Variants in PRRC2C observed in about 807,000 individuals in gnomAD.
PRRC2C encodes proline rich coiled-coil 2C, also known as protein PRRC2C.
PRRC2C carries 72 observed loss-of-function variants against 317.2 expected under a neutral mutation model. The observed-to-expected ratio is 0.23, with a 90% CI of 0.19 to 0.28. The LOEUF is 0.28. PRRC2C is among the 10% of genes least tolerant of loss of function. The probability of loss-of-function intolerance (pLI) is 1.00; values close to 1 mark genes in which losing one functional copy is unlikely to be tolerated. For missense variants in PRRC2C, 3,074 were observed against 3,459.7 expected (o/e 0.89, Z 2.80); for synonymous variants, 1,296 against 1,205.9 (o/e 1.07, Z -1.55).
Position 171,542,160 on chromosome 1 carries a change from C to T in PRRC2C, c.4694C>T (p.Ser1565Leu), listed in dbSNP as rs1678060230. ...CGTGGCAACAATGGTCCACCCAAAT[C>T]AGGAAGGAATTTCTCAGGTCCTAGA... ...NRRGNNGPPK[S>L]GRNFSGPRNE... is the part of the protein sequence containing the mutation. The change falls in exon 16 of 35, where the codon TCA becomes TTA. Residue 1565 changes from serine to leucine, a missense_variant. By Grantham distance (145) the Ser-to-Leu change is moderately radical. Around this residue, in one of 11 missense-constraint regions of PRRC2C, gnomAD observed 178 missense variants for 163.0 expected, o/e 1.09. Coordinates refer to ENST00000647382, the MANE Select transcript of PRRC2C (RefSeq NM_001387844.1). 1 of 1,606,090 alleles carries T rather than the reference C, an allele frequency of 6.2e-7. No individual in the cohort carries two copies. Among genetic ancestry groups the T allele is most frequent in the Non-Finnish European group, 8.5e-7 (1 of 1,177,124 alleles).
chr1:171,532,252 T>C, intron 11 of PRRC2C, 91 bp from the exon 12 acceptor site: 2 of 1,348,850 alleles, frequency 1.5e-6, no homozygotes, highest in Middle Eastern at 1.9e-4. Flanking sequence ...ATTTCTGATA[T>C]TTTTGTGGGG....
intron 11 of PRRC2C, among the ~76,000 whole-genome samples, chr1:171,529,361 A>G (rs1384107855): frequency 6.6e-6 from 1 of 152,204 alleles, no homozygotes; most frequent in East Asian, 1.9e-4. Flanking sequence ...TTGGATCTCT[A>G]GTAAACAGCT....
chr1:171,531,131 T>A (rs1470090597), intron 11 of PRRC2C, among the ~76,000 whole-genome samples: 1 of 152,176 alleles, frequency 6.6e-6, no homozygotes, highest in Non-Finnish European at 1.5e-5. Context: ...AATATAATTT[T>A]ATACATGTAT....
At chr1:171,528,866 C>T (rs1211146804) in intron 11 of PRRC2C, among the ~76,000 whole-genome samples, 2 of 151,972 alleles carry the variant, frequency 1.3e-5, no homozygotes, top group African/African-American at 2.4e-5. Context: ...GGCTGGAGTG[C>T]AGTGGTGTAA....
At chr1:171,519,690 A>G (rs1218756330) in intron 6 of PRRC2C, among the ~76,000 whole-genome samples, 1 of 152,206 alleles carries the variant, frequency 6.6e-6, no homozygotes, top group Non-Finnish European at 1.5e-5. Flanking sequence ...GTTTTCCAGA[A>G]GACTCATTAC....
At chr1:171,511,232 A>G (rs1421458499) in intron 1 of PRRC2C, 1 of 152,196 alleles carries the variant, frequency 6.6e-6, no homozygotes, top group Non-Finnish European at 1.5e-5. Flanking sequence ...GTTGATATGT[A>G]TCTACAACTT....
chr1:171,572,820 G>A (rs1180598327), intron 24 of PRRC2C, among the ~76,000 whole-genome samples: 9 of 151,976 alleles, frequency 5.9e-5, no homozygotes, highest in Non-Finnish European at 2.9e-5. Context: ...ATTCAACTTT[G>A]CCTTTCACTC....
At chr1:171,514,482 G>T in intron 3 of PRRC2C, 54 bp from the exon 4 acceptor site, 1 of 1,326,182 alleles carries the variant, frequency 7.5e-7, no homozygotes, top group South Asian at 1.3e-5. Flanking sequence ...ATATAATATT[G>T]ATTTTATTTA....
chr1:171,536,051 G>GGCAGCA lies in PRRC2C; in HGVS notation c.2073_2078dup (p.Gln694_Gln695dup). ...CAGGAACAGATGAAACAGCAGCAGTGGCAGCAGCAGCAACAGCAAGGTGTA... is the reference window on the plus strand; with the variant it reads ...CAGGAACAGATGAAACAGCAGCAGTGGCAGCAGCAGCAGCAGCAACAGCAAGGTGTA... On this transcript the variant is annotated inframe_insertion, in exon 14 of 35. Transcript: ENST00000647382. 1.3e-6 allele frequency: 2 copies of GGCAGCA among 1,552,034 alleles called. No individual in the cohort carries two copies. The highest frequency in any genetic ancestry group is 8.7e-7 in the Non-Finnish European group (1 of 1,147,132).
At chr1:171,527,101 C>T (rs1172080639) in intron 10 of PRRC2C, among the ~76,000 whole-genome samples, 6 of 151,268 alleles carry the variant, frequency 4.0e-5, no homozygotes, top group Admixed American at 2.0e-4. Flanking sequence ...CCACCGTGCC[C>T]GGCTGAAATA....
intron 18 of PRRC2C, among the ~76,000 whole-genome samples, chr1:171,555,103 C>G (rs1485550090): frequency 6.6e-6 from 1 of 152,206 alleles, no homozygotes; most frequent in South Asian, 2.1e-4. Flanking sequence ...GTACACTAAT[C>G]AAATGTAGAT....
chr1:171,543,847 T>C (rs1678494061), intron 16 of PRRC2C, among the ~76,000 whole-genome samples: 1 of 152,162 alleles, frequency 6.6e-6, no homozygotes, highest in Admixed American at 6.5e-5. Context: ...ATGAGGGCCT[T>C]CTTGTTGGTA....
rs1195435651 is a variant in PRRC2C, at chr1:171,540,240, G to T, written c.2774G>T (p.Arg925Ile). The change falls in exon 16 of 35, where the codon AGA becomes ATA. Residue 925 changes from arginine to isoleucine, a missense_variant. Physicochemically the swap from Arg to Ile is moderately conservative, Grantham distance 97 (BLOSUM62 -3). Transcript: ENST00000647382. ...GTAGAAAGTCAGCCTTCCCGGAAAA[G>T]AAGTGTTTCCCATGGATCTAACCAT... ...SAVESQPSRKRSVSHGSNHTQ... is the reference protein window; with the variant it reads ...SAVESQPSRKISVSHGSNHTQ... 1 of 1,613,766 alleles carries T rather than the reference G, an allele frequency of 6.2e-7. No homozygotes were observed. Among genetic ancestry groups the T allele is most frequent in the Non-Finnish European group, 8.5e-7 (1 of 1,179,898 alleles).
intron 14 of PRRC2C, among the ~76,000 whole-genome samples, chr1:171,537,002 G>A (rs12043699): frequency 6.6e-6 from 1 of 152,242 alleles, no homozygotes; most frequent in East Asian, 1.9e-4. Flanking sequence ...TTCTTTTGAA[G>A]TAAAACAGGC....
Position 171,588,430 on chromosome 1 carries a change from C to T in PRRC2C, c.8124C>T (p.Val2708=). Residue 2708 remains valine, a synonymous_variant, in exon 33 of 35, where the codon GTC becomes GTT. Transcript: ENST00000647382. ...AGTCCAGCAAAATGAACAGCATTGT[C>T]TACCAGAAGCAGTTCCAGTCAGCCC... ...NSQSSKMNSI[V]YQKQFQSAPA... 2.5e-6 allele frequency: 4 copies of T among 1,613,534 alleles called. No individual in the cohort carries two copies. Among genetic ancestry groups the T allele is most frequent in the Non-Finnish European group, 3.4e-6 (4 of 1,179,636 alleles).
At chr1:171,505,121 G>C (rs1329808763) in intron 1 of PRRC2C, among the ~76,000 whole-genome samples, 1 of 151,058 alleles carries the variant, frequency 6.6e-6, no homozygotes, top group East Asian at 2.0e-4. Flanking sequence ...TCCGCCTCCT[G>C]GGTTCAAGTG....
chr1:171,499,275 A>G (rs1474786823), intron 1 of PRRC2C, among the ~76,000 whole-genome samples: 1 of 152,210 alleles, frequency 6.6e-6, no homozygotes, highest in Non-Finnish European at 1.5e-5. Context: ...TGCCTGGTAT[A>G]TGGTAGACAC....
intron 1 of PRRC2C, among the ~76,000 whole-genome samples, chr1:171,497,569 T>C (rs1668353467): frequency 6.6e-6 from 1 of 151,854 alleles, no homozygotes; most frequent in Non-Finnish European, 1.5e-5. Context: ...CCTCCTAGGC[T>C]CAAGCGATCC....
At chr1:171,493,151 C>CCAATGAT (rs966041216) in intron 1 of PRRC2C, among the ~76,000 whole-genome samples, 3 of 151,978 alleles carry the variant, frequency 2.0e-5, no homozygotes, top group Admixed American at 6.6e-5. Context: ...AAGAAGAGGG[C>CCAATGAT]CAATGATACG....
Sources: gnomAD v4.1 joint callset for allele counts (sites outside exome capture counted in the v4.1 genomes callset) on GRCh38, gnomAD v4.1.1 for gene constraint, gnomAD v4.1.1 regional missense constraint, MANE v1.5 for transcripts, NCBI Gene and HGNC (gene_info 2026-07-23, HGNC 2026-07-21) for gene names.